The following EPS8L1 variants were observed in gnomAD, a reference collection of about 807,000 sequenced individuals.
EPS8L1 encodes EPS8 signaling adaptor L1.
In EPS8L1, 101 loss-of-function variants were observed where a neutral mutation model predicts 91.7. The ratio of observed to expected loss-of-function variants is 1.10; its 90% CI spans 0.94 to 1.30. The LOEUF is 1.30. Among genes scored for constraint, EPS8L1 ranks in the 50% most tolerant of loss-of-function variants. The probability of loss-of-function intolerance (pLI) is 0.00; values close to 1 mark genes in which losing one functional copy is unlikely to be tolerated. For missense variants in EPS8L1, 1,114 were observed against 1,017.0 expected (o/e 1.10, Z -1.30); for synonymous variants, 506 against 445.3 (o/e 1.14, Z -1.72).
chr19:55,087,256 G>A (rs755314158), intron 18 of EPS8L1, 47 bp from the exon 19 acceptor site: 2 of 1,551,566 alleles, frequency 1.3e-6, no homozygotes, highest in Non-Finnish European at 1.7e-6. Flanking sequence ...GTCCGGGCTG[G>A]GGCATCCGCC....
rs1415013218 is a variant in EPS8L1, at chr19:55,076,477, C to G, written c.17+16C>G. 6.2e-7 allele frequency: 1 copy of G among 1,610,988 alleles called. No homozygotes were observed. Among genetic ancestry groups the G allele is most frequent in the African/African-American group, 1.3e-5 (1 of 74,940 alleles). ...CCGCCACAGGGTAAGCGCCCCCGGA[C>G]CCCAGGTCCCAGCCCCAGCACGCCT... On this transcript the variant is annotated intron_variant, in intron 2 of 19. Transcript: ENST00000201647.
In EPS8L1 at chr19:55,082,725, T is replaced by TTAGTTGTG. The variant is rs2076296994; in HGVS notation, c.1214+125_1214+132dup. 3 of 919,672 alleles carry TTAGTTGTG rather than the reference T, an allele frequency of 3.3e-6. No individual in the cohort carries two copies. In the African/African-American group the frequency reaches 5.0e-5, roughly 15 times the overall value. 57.0% of individuals were successfully genotyped at this position (919,672 alleles called of 1,614,324 possible). ...AGTAGGGAGGGGTTAGAGGCGTGGC[T>TTAGTTGTG]TAGTTGTGTTGGGGCGGGGCTTAGG... On this transcript the variant is annotated intron_variant, in intron 12 of 19. Transcript: ENST00000201647.
chr19:55,086,271 G>A (rs2076351220), intron 16 of EPS8L1, 79 bp downstream of exon 16: 3 of 1,610,700 alleles, frequency 1.9e-6, no homozygotes, highest in Non-Finnish European at 2.5e-6. Flanking sequence ...GTGGGGATCA[G>A]CTGTCAAGAG....
At position 55,082,549 on chromosome 19, in the gene EPS8L1, TC is replaced by T. The variant is rs1568790645; in HGVS notation, c.1163del (p.Pro388HisfsTer145). On this transcript the variant is annotated frameshift_variant, in exon 12 of 20. Coordinates refer to ENST00000201647, the MANE Select transcript of EPS8L1 (RefSeq NM_133180.3). LOFTEE classifies it high-confidence loss of function. Reference protein sequence around the residue: ...AVALLRDNVTPRENELWTSLG... With the variant: ...AVALLRDNVTXRENELWTSLG... ...TGGCGCTGCTGCGGGACAACGTCAC[TC>T]CACGTGAAAACGAGCTCTGGACCTC... The T allele has an allele frequency of 2.5e-6, 4 of 1,604,868 alleles. No homozygotes were observed. Among genetic ancestry groups the T allele is most frequent in the East Asian group, 2.3e-5 (1 of 44,418 alleles).
Position 55,080,135 on chromosome 19 carries a change from C to A in EPS8L1, c.286C>A (p.Leu96Met). ...TLLDPASKEE[L>M]ESYPLGAIVR... ...CCGCCATCCCACCCGGCAGGAGGAGCTGGAGTCGTACCCACTGGGCGCCAT... is the reference window on the plus strand; with the variant it reads ...CCGCCATCCCACCCGGCAGGAGGAGATGGAGTCGTACCCACTGGGCGCCAT... Residue 96 changes from leucine (L) to methionine (M), a missense_variant, in exon 6 of 20, where the codon CTG (leucine) becomes ATG (methionine). Physicochemically the swap from Leu to Met is conservative, Grantham distance 15. Coordinates refer to ENST00000201647, the MANE Select transcript of EPS8L1 (RefSeq NM_133180.3). 1 of 1,498,066 alleles carries A rather than the reference C, an allele frequency of 6.7e-7. No individual in the cohort carries two copies. 92.8% of individuals were successfully genotyped at this position (1,498,066 alleles called of 1,614,324 possible).
Position 55,079,009 on chromosome 19 carries a change from G to T in EPS8L1, c.69G>T (p.Lys23Asn), listed in dbSNP as rs142483011. 1 of 1,614,030 alleles carries T rather than the reference G, an allele frequency of 6.2e-7. No homozygotes were observed. The highest frequency in any genetic ancestry group is 1.3e-5 in the African/African-American group (1 of 75,000). The change falls in exon 4 of 20, where the codon AAG (lysine) becomes AAT (asparagine). Residue 23 changes from lysine to asparagine, a missense_variant. Coordinates refer to ENST00000201647, the MANE Select transcript of EPS8L1 (RefSeq NM_133180.3). ...PSAKSIYEQR[K>N]RYSTVVMADV... ...TTTCTCCCCTGGCAGAGCAGAGGAA[G>T]CGTTACTCCACAGTTGTTATGGCTG...
chr19:55,086,338 C>T, intron 16 of EPS8L1, 54 bp from the exon 17 acceptor site: 4 of 1,603,530 alleles, frequency 2.5e-6, no homozygotes, highest in Non-Finnish European at 2.6e-6. Context: ...AGGGGAGAGG[C>T]TGGGACTCTG....
Position 55,081,518 on chromosome 19 carries a change from G to A in EPS8L1, c.774+26G>A. ...GTGAGCCGCTAAGGAAGGGGTCTGG[G>A]GGCAGGGCCAGGCGACTGGAGGCGG... On this transcript the variant is annotated intron_variant, in intron 8 of 19. Transcript: ENST00000201647. This position sits in a 1 kb window ranked among gnomAD's most constrained non-coding sequence, Gnocchi z 4.9. The A allele has an allele frequency of 6.5e-7, 1 of 1,538,814 alleles. No individual in the cohort carries two copies. The highest frequency in any genetic ancestry group is 8.7e-7 in the Non-Finnish European group (1 of 1,145,012).
In EPS8L1 at chr19:55,082,299, G is replaced by C; in HGVS notation, c.1015G>C (p.Asp339His). ...GGCCCGGCTGCGCGGCAACATCGCC[G>C]ACCCCTCCTCTCCGGAGCTGTTGCA... The part of the protein sequence containing the change: ...LLARLRGNIA[D>H]PSSPELLHFL... Residue 339 changes from aspartate (D) to histidine (H), a missense_variant, in exon 11 of 20, where the codon GAC (aspartate) becomes CAC (histidine). Physicochemically the swap from Asp to His is moderately conservative, Grantham distance 81. Coordinates refer to ENST00000201647, the MANE Select transcript of EPS8L1 (RefSeq NM_133180.3). 1 of 1,612,244 alleles carries C rather than the reference G, an allele frequency of 6.2e-7. No homozygotes were observed. Among genetic ancestry groups the C allele is most frequent in the Non-Finnish European group, 8.5e-7 (1 of 1,179,702 alleles).
rs1247490553 is a variant in EPS8L1 at position 55,081,905 on chromosome 19, G to A, written c.901+6G>A. ...CCGGCGCCGGGCGGCTGGGGGTAAG[G>A]GGCACCCTGGCGTGGGATCTGAACC... On this transcript the variant is annotated splice_donor_region_variant and intron_variant, in intron 9 of 19. Transcript: ENST00000201647. The surrounding 1 kb of genome is among the most constrained non-coding windows in gnomAD (Gnocchi z 4.9). The A allele has an allele frequency of 1.9e-6, 3 of 1,605,760 alleles. No homozygotes were observed. The highest frequency in any genetic ancestry group is 2.2e-5 in the South Asian group (2 of 90,646).
chr19:55,081,838 G>A lies in EPS8L1; in HGVS notation c.840G>A (p.Glu280=). 1 of 1,612,520 alleles carries A rather than the reference G, an allele frequency of 6.2e-7. No individual in the cohort carries two copies. The highest frequency in any genetic ancestry group is 8.5e-7 in the Non-Finnish European group (1 of 1,179,200). The change falls in exon 9 of 20, where the codon GAG becomes GAA. Residue 280 remains glutamate, a synonymous_variant. Transcript: ENST00000201647. The surrounding 1 kb of genome is among the most constrained non-coding windows in gnomAD (Gnocchi z 4.9). ...SFVSRLQKSA[E]AARVLEHRER... ...TATCGAGGCTGCAGAAGTCGGCGGA[G>A]GCGGCCAGGGTGCTGGAGCACCGGG...
chr19:55,086,999 G>A (rs1004979014), intron 18 of EPS8L1, 111 bp downstream of exon 18: 4 of 1,345,008 alleles, frequency 3.0e-6, no homozygotes, highest in Non-Finnish European at 2.9e-6. Context: ...CAGGGAGCCG[G>A]GATTAGCCCG....
At position 55,086,233 on chromosome 19, in the gene EPS8L1, C is replaced by T. The variant is rs772461893; in HGVS notation, c.1650+41C>T. 34 of 1,597,240 alleles carry T rather than the reference C, an allele frequency of 2.1e-5. No individual in the cohort carries two copies. In the African/African-American group the frequency reaches 2.7e-4, roughly 13 times the overall value. On this transcript the variant is annotated intron_variant, in intron 16 of 19. Transcript: ENST00000201647. ...CGCTGGGATCTTGAGGGTGGAGAGG[C>T]TGGGACCAGATCCTGGGAACAAGGG...
At position 55,081,448 on chromosome 19, in the gene EPS8L1, C is replaced by A. The variant is rs745617736; in HGVS notation, c.730C>A (p.Pro244Thr). The change falls in exon 8 of 20, where the codon CCC becomes ACC. Residue 244 changes from proline to threonine, a missense_variant. Physicochemically the swap from Pro to Thr is conservative, Grantham distance 38. Coordinates refer to ENST00000201647, the MANE Select transcript of EPS8L1 (RefSeq NM_133180.3). The surrounding 1 kb of genome is among the most constrained non-coding windows in gnomAD (Gnocchi z 4.9). ...TGACTCGGCCTCCCCGGACCTGGGTCCCCGGGGTCCTGACCTGGCGGTTCT... is the reference window on the plus strand; with the variant it reads ...TGACTCGGCCTCCCCGGACCTGGGTACCCGGGGTCCTGACCTGGCGGTTCT... ...NADSASPDLG[P>T]RGPDLAVLQA... 1.9e-6 allele frequency: 3 copies of A among 1,602,568 alleles called. No homozygotes were observed. The East Asian group carries it at 6.7e-5, about 36-fold the overall frequency.
intron 14 of EPS8L1, among the ~76,000 whole-genome samples, chr19:55,085,444 C>T (rs147814229): frequency 0.019 from 2,875 of 152,296 alleles, 90 homozygotes; most frequent in African/African-American, 0.066. Context: ...GGATTACAGG[C>T]GTGAGCCACC....
rs762133566 is a variant in EPS8L1, at chr19:55,083,719, C to T, written c.1385+75C>T. ...CCGGGGGCTCCCGATGCTGACTCCG[C>T]CCCCTTTTTTTCTGTGTTTTTCCTT... is the stretch of plus-strand genomic sequence containing the variant. On this transcript the variant is annotated intron_variant, in intron 14 of 19. Coordinates refer to ENST00000201647, the MANE Select transcript of EPS8L1 (RefSeq NM_133180.3). The surrounding 1 kb of genome is among the most constrained non-coding windows in gnomAD (Gnocchi z 4.7). 4.5e-6 allele frequency: 7 copies of T among 1,543,082 alleles called. No individual in the cohort carries two copies. The highest frequency in any genetic ancestry group is 6.2e-6 in the Non-Finnish European group (7 of 1,138,104).
At chr19:55,087,277 A>C in intron 18 of EPS8L1, 26 bp from the exon 19 acceptor site, 1 of 1,578,628 alleles carries the variant, frequency 6.3e-7, no homozygotes, top group Admixed American at 1.8e-5. Flanking sequence ...GACCGGCCTG[A>C]CCGCGCCCGG....
intron 1 of EPS8L1, 163 bp from the exon 2 acceptor site, chr19:55,076,245 G>C: frequency 1.7e-6 from 1 of 596,090 alleles, no homozygotes; most frequent in South Asian, 2.1e-5. Context: ...AAGAGGGACT[G>C]GGGCCTGGAC....
Position 55,087,644 on chromosome 19 carries a change from G to T in EPS8L1, c.*30G>T. 1 of 1,610,662 alleles carries T rather than the reference G, an allele frequency of 6.2e-7. No homozygotes were observed. Among genetic ancestry groups the T allele is most frequent in the Non-Finnish European group, 8.5e-7 (1 of 1,177,550 alleles). ...CCAGGCGCCCTTCGCAAAGAGTGAC[G>T]AGGCCCCGTGGGAGAACGGACTCCT... On this transcript the variant is annotated 3_prime_UTR_variant, in exon 20 of 20. Transcript: ENST00000201647.
Sources: allele counts gnomAD v4.1 joint callset (sites outside exome capture counted in the v4.1 genomes callset), GRCh38; gene constraint gnomAD v4.1.1; non-coding constraint Gnocchi (gnomAD v3.1); transcripts MANE v1.5; gene names NCBI Gene and HGNC (gene_info 2026-07-23, HGNC 2026-07-21).